Variants in ARHGEF10 observed in about 807,000 individuals in gnomAD.
ARHGEF10 encodes the protein Rho guanine nucleotide exchange factor 10.
Under a neutral mutation model 147.4 loss-of-function variants are expected in ARHGEF10, and 140 were observed. The observed-to-expected ratio is 0.95, with a 90% CI of 0.83 to 1.09. The LOEUF (loss-of-function observed/expected upper bound fraction) is 1.09, where lower values mean the gene tolerates loss of function less well. Ranked by LOEUF, ARHGEF10 falls within the 50% of genes least tolerant of loss-of-function variation. The pLI, the probability that ARHGEF10 is intolerant of heterozygous loss-of-function variation, is 0.00. For missense variants in ARHGEF10, 2,222 were observed against 1,752.7 expected (o/e 1.27, Z -4.78); for synonymous variants, 902 against 695.8 (o/e 1.30, Z -4.67).
At chr8:1,866,651 A>C (rs370339099) in intron 6 of ARHGEF10, 49 bp downstream of exon 6, 13 of 1,561,730 alleles carry the variant, frequency 8.3e-6, no homozygotes, top group Admixed American at 3.3e-5. Context: ...CGCTCCACAG[A>C]CGTCACTGCG....
At chr8:1,921,941 T>A (rs1812324959) in intron 18 of ARHGEF10, among the ~76,000 whole-genome samples, 1 of 152,090 alleles carries the variant, frequency 6.6e-6, no homozygotes, top group South Asian at 2.1e-4. Context: ...TCTTACTGGT[T>A]TTTTGACCTT....
intron 18 of ARHGEF10, among the ~76,000 whole-genome samples, chr8:1,918,490 G>C (rs1811931044): frequency 6.6e-6 from 1 of 151,618 alleles, no homozygotes; most frequent in South Asian, 2.1e-4. Flanking sequence ...GTGTGTGTGT[G>C]TGTGTGTGTG....
chr8:1,893,863 T>C (rs1269609383), intron 12 of ARHGEF10, among the ~76,000 whole-genome samples: 1 of 152,186 alleles, frequency 6.6e-6, no homozygotes, highest in East Asian at 1.9e-4. Flanking sequence ...AATATTTACA[T>C]TCATTTATCT....
intron 2 of ARHGEF10, among the ~76,000 whole-genome samples, chr8:1,846,644 C>G (rs1239623541): frequency 2.0e-5 from 3 of 151,956 alleles, no homozygotes; most frequent in Non-Finnish European, 4.4e-5. Flanking sequence ...GTGGTGTGAT[C>G]TTGGCTCACT....
intron 23 of ARHGEF10, 95 bp from the exon 24 acceptor site, chr8:1,928,332 C>T (rs1182209471): frequency 3.6e-6 from 4 of 1,110,764 alleles, no homozygotes; most frequent in Non-Finnish European, 5.5e-6. Flanking sequence ...ACATGAAAAT[C>T]GAAGCTTGTC....
rs973078954 is a variant in ARHGEF10, at chr8:1,948,473, C to T, written c.3397+2818C>T. ...TCTGGGGTACACTGACTGCTTTACC[C>T]ACATTCAGTTCTCTGCTCCCAGGCT... On this transcript the variant is annotated intron_variant, in intron 27 of 28. Transcript: ENST00000349830. This position sits in a 1 kb window ranked among gnomAD's most constrained non-coding sequence, Gnocchi z 4.9. 6.6e-6 allele frequency among the ~76,000 whole-genome samples: 1 copy of T among 152,212 alleles called. No individual in the cohort carries two copies. Among genetic ancestry groups the T allele is most frequent in the Non-Finnish European group, 1.5e-5 (1 of 68,046 alleles).
intron 25 of ARHGEF10, among the ~76,000 whole-genome samples, chr8:1,933,528 G>T (rs894107273): frequency 2.9e-5 from 4 of 137,312 alleles, no homozygotes; most frequent in Non-Finnish European, 6.2e-5. Context: ...GGTTTGTCTG[G>T]GACACACATG....
intron 27 of ARHGEF10, among the ~76,000 whole-genome samples, chr8:1,950,307 C>T (rs1390989500): frequency 1.3e-5 from 2 of 152,174 alleles, no homozygotes; most frequent in Non-Finnish European, 2.9e-5. Context: ...GCGGCACTCA[C>T]CGCAGCCTCT....
intron 7 of ARHGEF10, among the ~76,000 whole-genome samples, chr8:1,873,552 T>C (rs1258369925): frequency 1.1e-5 from 1 of 89,780 alleles, no homozygotes; most frequent in African/African-American, 6.0e-5. Flanking sequence ...ATTTCCTAGT[T>C]GCCTTGAGAG....
chr8:1,841,704 C>T lies in ARHGEF10; in HGVS notation c.-47-1649C>T, dbSNP rs574582035. ...GAAGTTCCGCTCTTTTCTCAGCAGT[C>T]GTGTTAACAGATGAGACAATCGCAG... On this transcript the variant is annotated intron_variant, in intron 1 of 28. Transcript: ENST00000349830. Among the ~76,000 whole-genome samples the T allele has an allele frequency of 2.0e-3, 305 of 152,160 alleles. 2 individuals are homozygous for T. The highest frequency in any genetic ancestry group is 6.4e-3 in the African/African-American group (266 of 41,534).
intron 1 of ARHGEF10, among the ~76,000 whole-genome samples, chr8:1,837,508 T>C (rs1241039674): frequency 2.0e-5 from 3 of 152,252 alleles, no homozygotes; most frequent in Non-Finnish European, 4.4e-5. Flanking sequence ...GAATGAGATT[T>C]ACACAGTGTG....
Position 1,929,405 on chromosome 8 carries a change from T to A in ARHGEF10, c.3041T>A (p.Leu1014Gln), listed in dbSNP as rs1332130101. 6.2e-7 allele frequency: 1 copy of A among 1,611,966 alleles called. No homozygotes were observed. The highest frequency in any genetic ancestry group is 8.5e-7 in the Non-Finnish European group (1 of 1,179,372). ...ACTSQSLYAGLVNGAVASYAR... is the reference protein window; with the variant it reads ...ACTSQSLYAGQVNGAVASYAR... ...ACGTCTCAGAGCCTGTACGCTGGCCTGGTCAACGGGGCAGTCGCCAGCTAC... is the reference window on the plus strand; with the variant it reads ...ACGTCTCAGAGCCTGTACGCTGGCCAGGTCAACGGGGCAGTCGCCAGCTAC... The change falls in exon 25 of 29, where the codon CTG becomes CAG. Residue 1014 changes from leucine (L) to glutamine (Q), a missense_variant. Physicochemically the swap from Leu to Gln is moderately radical, Grantham distance 113. Transcript: ENST00000349830.
At chr8:1,931,923 G>C (rs954296188) in intron 25 of ARHGEF10, among the ~76,000 whole-genome samples, 1 of 152,192 alleles carries the variant, frequency 6.6e-6, no homozygotes, top group African/African-American at 2.4e-5. Context: ...TCAGTTGTTG[G>C]AAGTTAAACC....
At chr8:1,941,096 A>G (rs1360616511) in intron 26 of ARHGEF10, among the ~76,000 whole-genome samples, 1 of 152,238 alleles carries the variant, frequency 6.6e-6, no homozygotes, top group African/African-American at 2.4e-5. Context: ...TTTTATTCAC[A>G]GTAGTACCGG....
chr8:1,849,439 G>A (rs1485471540), intron 2 of ARHGEF10, among the ~76,000 whole-genome samples: 1 of 150,180 alleles, frequency 6.7e-6, no homozygotes, highest in African/African-American at 2.5e-5. Context: ...AAATGCTGAG[G>A]AGGGCGTGGG....
intron 18 of ARHGEF10, among the ~76,000 whole-genome samples, chr8:1,922,427 A>G (rs1812365510): frequency 6.6e-6 from 1 of 152,200 alleles, no homozygotes; most frequent in Admixed American, 6.5e-5. Context: ...AAAAGGGACA[A>G]AACATGAATC....
At chr8:1,929,205 G>A (rs1563300010) in intron 24 of ARHGEF10, 81 bp from the exon 25 acceptor site, 10 of 1,465,142 alleles carry the variant, frequency 6.8e-6, no homozygotes, top group Non-Finnish European at 8.6e-6. Flanking sequence ...GAGTTGAAAT[G>A]TTTGTGTTTA....
rs116666114 is a variant in ARHGEF10, at chr8:1,946,191, T to G, written c.3397+536T>G. 4.0e-3 allele frequency among the ~76,000 whole-genome samples: 606 copies of G among 152,202 alleles called. 5 individuals carry two copies. The highest frequency in any genetic ancestry group is 0.014 in the African/African-American group (570 of 41,528). On this transcript the variant is annotated intron_variant, in intron 27 of 28. Transcript: ENST00000349830. Reference sequence around the variant, plus strand: ...CCTACAACAGGATGGAGGAAAGAAATGAGGAGGGGGCCCAACCGGCTTCTT... The same window carrying G: ...CCTACAACAGGATGGAGGAAAGAAAGGAGGAGGGGGCCCAACCGGCTTCTT...
At chr8:1,835,966 G>C (rs1436630207) in intron 1 of ARHGEF10, among the ~76,000 whole-genome samples, 1 of 152,154 alleles carries the variant, frequency 6.6e-6, no homozygotes, top group Non-Finnish European at 1.5e-5. Context: ...CAGATCACGA[G>C]CTCAGGAGAT....
Sources: allele counts gnomAD v4.1 joint callset (sites outside exome capture counted in the v4.1 genomes callset), GRCh38; gene constraint gnomAD v4.1.1; non-coding constraint Gnocchi (gnomAD v3.1); transcripts MANE v1.5; gene names NCBI Gene and HGNC (gene_info 2026-07-23, HGNC 2026-07-21).